The following NHSL2 variants were observed in gnomAD, a reference collection of about 807,000 sequenced individuals.
The protein encoded by NHSL2 is NHS like 2.
Under a neutral mutation model 53.4 loss-of-function variants are expected in NHSL2, and 27 were observed. The observed-to-expected ratio is 0.51, with a 90% confidence interval of 0.37 to 0.70. NHSL2 has a LOEUF of 0.70. NHSL2 is among the 30% of genes least tolerant of loss of function. The probability of loss-of-function intolerance (pLI) is 0.00; values close to 1 mark genes in which losing one functional copy is unlikely to be tolerated. For synonymous variants in NHSL2, 408 were observed against 404.1 expected, an observed-to-expected ratio of 1.01 and a Z score of -0.12; for missense variants, 892 against 980.1, an observed-to-expected ratio of 0.91 and a Z score of 1.20.
At chrX:72,116,392 T>C (rs1359761019) in intron 1 of NHSL2, among the ~76,000 whole-genome samples, 1 of 112,729 alleles carries the variant, frequency 8.9e-6, no homozygotes, top group African/African-American at 3.2e-5. Flanking sequence ...ATTGTACTTA[T>C]GTAAAAATAC....
chrX:72,066,284 C>G (rs2042428904), intron 1 of NHSL2, among the ~76,000 whole-genome samples: 1 of 111,573 alleles, frequency 9.0e-6, no homozygotes, highest in Admixed American at 9.5e-5. Context: ...ATAAAGATGT[C>G]TAAAAGCATT....
Position 72,036,526 on chromosome X carries a change from C to A in NHSL2, c.281-95553C>A, listed in dbSNP as rs1187269539. 2.7e-5 allele frequency among the ~76,000 whole-genome samples: 3 copies of A among 112,250 alleles called. No individual in the cohort carries two copies. The East Asian group carries it at 8.4e-4, about 31-fold the overall frequency. On this transcript the variant is annotated intron_variant, in intron 1 of 7. Coordinates refer to ENST00000633930, the MANE Select transcript of NHSL2 (RefSeq NM_001013627.3). ...TGAACCTGGAGGTTTGTGTCTTTTG[C>A]CAAATTTGGGAAGTTTTTAGCCTTT...
intron 1 of NHSL2, among the ~76,000 whole-genome samples, chrX:72,091,294 A>G (rs981808045): frequency 2.7e-5 from 3 of 111,614 alleles, no homozygotes; most frequent in African/African-American, 9.8e-5. Flanking sequence ...TCTACTAAAA[A>G]TACAAAAAAA....
chrX:72,088,873 CT>C (rs1369901419), intron 1 of NHSL2, among the ~76,000 whole-genome samples: 1 of 112,532 alleles, frequency 8.9e-6, no homozygotes, highest in African/African-American at 3.2e-5. Context: ...TGAAGACGGC[CT>C]TTGTCTCCTT....
At chrX:72,093,855 C>T (rs1316767806) in intron 1 of NHSL2, among the ~76,000 whole-genome samples, 2 of 109,340 alleles carry the variant, frequency 1.8e-5, no homozygotes, top group East Asian at 5.7e-4. Flanking sequence ...GATCTCAGCT[C>T]GCTGCAGCCT....
intron 1 of NHSL2, among the ~76,000 whole-genome samples, chrX:72,009,698 T>G (rs2042108234): frequency 8.9e-6 from 1 of 112,749 alleles, no homozygotes; most frequent in Non-Finnish European, 1.9e-5. Context: ...CTATCTGACA[T>G]GTACTTTATT....
chrX:72,129,187 C>T (rs1233828674), intron 1 of NHSL2: 2 of 113,244 alleles, frequency 1.8e-5, no homozygotes, highest in Admixed American at 9.3e-5. Flanking sequence ...GGCAAATCTC[C>T]GTCAAGTTGT....
At chrX:72,029,408 A>C (rs187472220) in intron 1 of NHSL2, among the ~76,000 whole-genome samples, 1 of 112,437 alleles carries the variant, frequency 8.9e-6, no homozygotes, top group East Asian at 2.8e-4. Context: ...CTACCACTGC[A>C]CTGGGTGTTT....
intron 1 of NHSL2, among the ~76,000 whole-genome samples, chrX:71,980,326 G>A (rs1311089210): frequency 9.0e-6 from 1 of 111,488 alleles, no homozygotes; most frequent in Non-Finnish European, 1.9e-5. Flanking sequence ...GATGGGGATG[G>A]CATTGAATCT....
intron 1 of NHSL2, among the ~76,000 whole-genome samples, chrX:72,066,301 C>G (rs1395916261): frequency 9.0e-6 from 1 of 111,126 alleles, no homozygotes; most frequent in Non-Finnish European, 1.9e-5. Context: ...CATTCCTCAT[C>G]CAATTTAGAT....
At chrX:72,091,311 A>G (rs927684607) in intron 1 of NHSL2, among the ~76,000 whole-genome samples, 12 of 111,677 alleles carry the variant, frequency 1.1e-4, no homozygotes, top group East Asian at 2.8e-4. Flanking sequence ...AAAATTAGCC[A>G]GGCGTGGTGG....
At chrX:72,076,815 C>T (rs2041747619) in intron 1 of NHSL2, among the ~76,000 whole-genome samples, 1 of 111,934 alleles carries the variant, frequency 8.9e-6, no homozygotes, top group African/African-American at 3.3e-5. Context: ...ATGAAACCTT[C>T]ATTTCTCTCA....
At chrX:71,929,938 A>G (rs978173530) in intron 1 of NHSL2, among the ~76,000 whole-genome samples, 1 of 110,214 alleles carries the variant, frequency 9.1e-6, no homozygotes, top group Middle Eastern at 4.7e-3. Context: ...TATTTTTTGT[A>G]GAGGCGGGGT....
At chrX:71,971,754 G>A (rs977472605) in intron 1 of NHSL2, among the ~76,000 whole-genome samples, 1 of 111,178 alleles carries the variant, frequency 9.0e-6, no homozygotes, top group Non-Finnish European at 1.9e-5. Context: ...TTATTTGTGC[G>A]AATTTAAATT....
In NHSL2 at chrX:72,084,699, G is replaced by A. The variant is rs761624853; in HGVS notation, c.281-47380G>A. ...GCCTTCAGTCCTGAACGGGAATCTG[G>A]GCACACATCACAGTGTCCACCACAC... is the stretch of plus-strand genomic sequence containing the variant. On this transcript the variant is annotated intron_variant, in intron 1 of 7. Coordinates refer to ENST00000633930, the MANE Select transcript of NHSL2 (RefSeq NM_001013627.3). 6.2e-5 allele frequency among the ~76,000 whole-genome samples: 7 copies of A among 112,259 alleles called. No homozygotes were observed. In the South Asian group the frequency reaches 1.9e-3, roughly 30 times the overall value.
chrX:71,990,718 A>G (rs1298128440), intron 1 of NHSL2, among the ~76,000 whole-genome samples: 1 of 112,197 alleles, frequency 8.9e-6, no homozygotes, highest in East Asian at 2.8e-4. Flanking sequence ...ACACTGCTAG[A>G]TGAATCTTCC....
chrX:72,077,469 T>C (rs1380327347), intron 1 of NHSL2, among the ~76,000 whole-genome samples: 1 of 111,020 alleles, frequency 9.0e-6, no homozygotes, highest in African/African-American at 3.3e-5. Context: ...CCGCCCTCAA[T>C]TACAGGTCTC....
intron 1 of NHSL2, among the ~76,000 whole-genome samples, chrX:71,974,355 C>G (rs1229412441): frequency 8.9e-6 from 1 of 111,828 alleles, no homozygotes; most frequent in Non-Finnish European, 1.9e-5. Flanking sequence ...GTGAGGCTTA[C>G]TTTAAAAAAA....
intron 1 of NHSL2, among the ~76,000 whole-genome samples, chrX:71,998,635 G>T (rs918171835): frequency 2.9e-4 from 33 of 111,898 alleles, no homozygotes; most frequent in African/African-American, 1.0e-3. Context: ...GCATAGGAAG[G>T]TTCTGGCATT....
Sources: gnomAD v4.1 joint callset for allele counts (sites outside exome capture counted in the v4.1 genomes callset) on GRCh38, gnomAD v4.1.1 for gene constraint, MANE v1.5 for transcripts, NCBI Gene and HGNC (gene_info 2026-07-23, HGNC 2026-07-21) for gene names.